The following ZNF469 variants were observed in gnomAD, a reference collection of about 807,000 sequenced individuals.
The protein encoded by ZNF469 is zinc finger protein 469.
Under a neutral mutation model 1.0 loss-of-function variants are expected in ZNF469, and 1 was observed. The observed-to-expected ratio is 1.00, with a 90% CI of 0.35 to 4.73. The LOEUF (loss-of-function observed/expected upper bound fraction) is 4.73. Among genes scored for constraint, ZNF469 ranks in the 30% most tolerant of loss-of-function variants. The pLI is 0.16. For synonymous variants in ZNF469, 2,703 were observed against 2,363.4 expected (o/e 1.14, Z -4.17); for missense variants, 6,100 against 5,356.3 (o/e 1.14, Z -4.33).
the ZNF469 span, among the ~76,000 whole-genome samples, chr16:88,301,866 AGGAGGGGGTAACTATCAG>A: frequency 4.6e-5 from 7 of 152,328 alleles, no homozygotes; most frequent in South Asian, 1.2e-3. Flanking sequence ...GGCTGCAGGC[AGGAGGGGGTAACTATCAG>A]GGTGACAGTC....
Position 88,431,037 on chromosome 16 carries a change from C to G in ZNF469, c.3567C>G (p.Pro1189=), listed in dbSNP as rs754347295. Residue 1189 remains proline, a synonymous_variant, in exon 3 of 3, where the codon CCC becomes CCG. Coordinates refer to ENST00000565624, the MANE Select transcript of ZNF469 (RefSeq NM_001367624.2). ...GAGCGGCCGCCAGGGAGGGAGGCCC[C>G]AAGTGTGCTGATCGCCCCTCAGTGG... The part of the protein sequence containing the change: ...ETGAAAREGG[P]KCADRPSVAP... 6.5e-7 allele frequency: 1 copy of G among 1,547,196 alleles called. No homozygotes were observed. The highest frequency in any genetic ancestry group is 2.0e-5 in the Admixed American group (1 of 50,980).
At chr16:88,181,923 T>C in the ZNF469 span, among the ~76,000 whole-genome samples, 2 of 152,210 alleles carry the variant, frequency 1.3e-5, no homozygotes, top group Non-Finnish European at 2.9e-5. Context: ...GGCATGCAGA[T>C]TGGAAATAAG....
At chr16:88,186,869 G>C in the ZNF469 span, among the ~76,000 whole-genome samples, 24 of 152,114 alleles carry the variant, frequency 1.6e-4, no homozygotes, top group Non-Finnish European at 2.2e-4. Context: ...GTGACTCACG[G>C]GGCCTGAGCT....
the ZNF469 span, among the ~76,000 whole-genome samples, chr16:88,137,389 G>A: frequency 6.6e-5 from 10 of 151,878 alleles, no homozygotes; most frequent in Non-Finnish European, 1.5e-4. Flanking sequence ...CCATGTGTGC[G>A]GTTGTGTACA....
At chr16:88,108,414 G>A in the ZNF469 span, among the ~76,000 whole-genome samples, 9,559 of 152,250 alleles carry the variant, frequency 0.063, 483 homozygotes, top group East Asian at 0.2. Context: ...CACACCCGAC[G>A]TCTCCTGGGT....
the ZNF469 span, chr16:88,192,081 A>G: frequency 3.3e-5 from 5 of 152,362 alleles, no homozygotes; most frequent in Non-Finnish European, 7.3e-5. Context: ...TTGTGAGGAC[A>G]CTGTGGGAAG....
chr16:88,149,235 C>G, the ZNF469 span, among the ~76,000 whole-genome samples: 2 of 152,194 alleles, frequency 1.3e-5, no homozygotes, highest in Non-Finnish European at 2.9e-5. Context: ...TGTGCTCTTC[C>G]TGGAAAGAGA....
At chr16:88,422,559 G>A (rs533894922) in intron 1 of ZNF469, among the ~76,000 whole-genome samples, 6 of 148,444 alleles carry the variant, frequency 4.0e-5, no homozygotes, top group African/African-American at 7.5e-5. Context: ...GGGGATGGGC[G>A]GGTGGATGGA....
At chr16:88,391,063 C>T (rs1007355824) in intron 1 of ZNF469, among the ~76,000 whole-genome samples, 2 of 152,248 alleles carry the variant, frequency 1.3e-5, no homozygotes, top group African/African-American at 2.4e-5. Flanking sequence ...GGCTGCCGTC[C>T]GCCCATGTCA....
chr16:88,430,629 G>T lies in ZNF469; in HGVS notation c.3159G>T (p.Lys1053Asn). 2.0e-6 allele frequency: 3 copies of T among 1,500,478 alleles called. No individual in the cohort carries two copies. The highest frequency in any genetic ancestry group is 2.7e-6 in the Non-Finnish European group (3 of 1,130,330). 92.9% of individuals were successfully genotyped at this position (1,500,478 alleles called of 1,614,324 possible). A position where few individuals can be genotyped will look rare whatever the true frequency, so the allele number is the denominator to read the frequency against. Residue 1053 changes from lysine to asparagine, a missense_variant, in exon 3 of 3, where the codon AAG becomes AAT. By Grantham distance (94) the Lys-to-Asn change is moderately conservative. Transcript: ENST00000565624. Reference sequence around the variant, plus strand: ...CCTGGGGCAAGGAGCTCATTCTGAAGATCGTGCAGCAGAAGAACAGGCGCC... The same window carrying T: ...CCTGGGGCAAGGAGCTCATTCTGAATATCGTGCAGCAGAAGAACAGGCGCC... ...GGAWGKELIL[K>N]IVQQKNRRHR...
chr16:88,163,608 TGGTA>T, the ZNF469 span, among the ~76,000 whole-genome samples: 1 of 94,118 alleles, frequency 1.1e-5, no homozygotes, highest in African/African-American at 4.1e-5. Flanking sequence ...ATATGTGCAT[TGGTA>T]GATGGATGGA....
chr16:88,192,786 A>G, the ZNF469 span, among the ~76,000 whole-genome samples: 145,817 of 150,840 alleles, frequency 0.97, 70,422 homozygotes, highest in East Asian at 0.97. Flanking sequence ...TGGTGGTGAT[A>G]GTGGTGATGA....
In ZNF469 at chr16:88,429,598, C is replaced by A. The variant is rs964503200; in HGVS notation, c.2128C>A (p.Pro710Thr). Residue 710 changes from proline to threonine, a missense_variant, in exon 3 of 3, where the codon CCT becomes ACT. Coordinates refer to ENST00000565624, the MANE Select transcript of ZNF469 (RefSeq NM_001367624.2). The part of the protein sequence containing the change: ...GGLQGFPRAP[P>T]PYPTHHFSLS... ...GCTGCAGGGCTTCCCCCGTGCGCCG[C>A]CTCCGTACCCCACACACCACTTCTC... 1 of 1,549,168 alleles carries A rather than the reference C, an allele frequency of 6.5e-7. No individual in the cohort carries two copies.
the ZNF469 span, among the ~76,000 whole-genome samples, chr16:88,337,904 G>T: frequency 1.3e-5 from 2 of 152,148 alleles, no homozygotes; most frequent in Admixed American, 1.3e-4. Context: ...TCAGATGGAC[G>T]GTTTGCCAAA....
At chr16:88,158,534 G>A in the ZNF469 span, among the ~76,000 whole-genome samples, 4 of 139,278 alleles carry the variant, frequency 2.9e-5, no homozygotes, top group East Asian at 4.3e-4. Context: ...CTGCCTCTGC[G>A]CAGAAGCCTG....
chr16:88,262,894 C>T, the ZNF469 span, among the ~76,000 whole-genome samples: 3 of 152,160 alleles, frequency 2.0e-5, no homozygotes, highest in Non-Finnish European at 2.9e-5. The surrounding 1 kb of genome is among the most constrained non-coding windows in gnomAD (Gnocchi z 4.3). Context: ...CCTGTGGTGG[C>T]GTGACCCCCA....
rs376402207 is a variant in ZNF469 at position 88,434,078 on chromosome 16, C to T, written c.6608C>T (p.Pro2203Leu). 6 of 1,550,402 alleles carry T rather than the reference C, an allele frequency of 3.9e-6. No individual in the cohort carries two copies. The highest frequency in any genetic ancestry group is 2.4e-5 in the East Asian group (1 of 40,920). Residue 2203 changes from proline to leucine, a missense_variant, in exon 3 of 3, where the codon CCC becomes CTC. By Grantham distance (98) the Pro-to-Leu change is moderately conservative. Transcript: ENST00000565624. Reference sequence around the variant, plus strand: ...GCTCCCCCGTCTTTGACAACAAGCCCCTGCGATCCCAAGGAAGCCCTGGCT... The same window carrying T: ...GCTCCCCCGTCTTTGACAACAAGCCTCTGCGATCCCAAGGAAGCCCTGGCT... Reference protein sequence around the residue: ...PVAPPSLTTSPCDPKEALAGC... With the variant: ...PVAPPSLTTSLCDPKEALAGC...
intron 1 of ZNF469, among the ~76,000 whole-genome samples, chr16:88,386,513 T>C (rs11076617): frequency 0.63 from 95,839 of 151,840 alleles, 30,601 homozygotes; most frequent in African/African-American, 0.71. Context: ...GTGTCCCATC[T>C]ACCCTGCAAG....
the ZNF469 span, among the ~76,000 whole-genome samples, chr16:88,262,325 C>T: frequency 6.6e-6 from 1 of 152,188 alleles, no homozygotes; most frequent in Non-Finnish European, 1.5e-5. The surrounding 1 kb of genome is among the most constrained non-coding windows in gnomAD (Gnocchi z 4.3). Context: ...GAGAAGGCAG[C>T]CTGGCTGCTC....
Sources: allele counts gnomAD v4.1 joint callset (sites outside exome capture counted in the v4.1 genomes callset), GRCh38; gene constraint gnomAD v4.1.1; non-coding constraint Gnocchi (gnomAD v3.1); transcripts MANE v1.5; gene names NCBI Gene and HGNC (gene_info 2026-07-23, HGNC 2026-07-21).